The following AP4S1 variants were observed in gnomAD, a reference collection of about 807,000 sequenced individuals.
AP4S1 encodes adaptor related protein complex 4 subunit sigma 1.
A neutral mutation model predicts 19.8 loss-of-function variants in AP4S1; 23 were observed. That is an observed-to-expected ratio of 1.16 (90% CI 0.84 to 1.65). AP4S1 has a LOEUF of 1.65. Ranked by LOEUF, AP4S1 falls within the 40% of genes most tolerant of loss-of-function variation. The pLI is 0.00. For missense variants in AP4S1, 166 were observed against 172.8 expected (o/e 0.96, Z 0.22); for synonymous variants, 46 against 54.1 (o/e 0.85, Z 0.66).
intron 1 of AP4S1, among the ~76,000 whole-genome samples, chr14:31,053,404 A>G (rs1885917762): frequency 1.3e-5 from 2 of 152,064 alleles, no homozygotes; most frequent in South Asian, 4.1e-4. Context: ...GTCCTGGAAT[A>G]TTGCCCAAGC....
chr14:31,075,468 TG>T (rs766440719), intron 4 of AP4S1, among the ~76,000 whole-genome samples: 9 of 152,356 alleles, frequency 5.9e-5, no homozygotes, highest in Middle Eastern at 6.8e-3. Context: ...TTGGCTATTG[TG>T]GACAGTGCTA....
intron 4 of AP4S1, among the ~76,000 whole-genome samples, chr14:31,073,340 A>T (rs1197152979): frequency 7.0e-6 from 1 of 142,438 alleles, no homozygotes; most frequent in Non-Finnish European, 1.6e-5. Flanking sequence ...AATACAAAAA[A>T]TTAGCTGGGC....
intron 4 of AP4S1, among the ~76,000 whole-genome samples, chr14:31,077,739 CT>C (rs71112379): frequency 0.014 from 1,929 of 135,162 alleles, 30 homozygotes; most frequent in East Asian, 0.084. Flanking sequence ...TTTCTTTTTT[CT>C]TTTTTTTTTT....
intron 4 of AP4S1, among the ~76,000 whole-genome samples, chr14:31,079,632 C>A (rs1887534129): frequency 6.6e-6 from 1 of 152,010 alleles, no homozygotes; most frequent in African/African-American, 2.4e-5. Flanking sequence ...CAAGACCAGT[C>A]TGGGCAACAT....
At chr14:31,036,151 A>G (rs1884760961) in intron 1 of AP4S1, among the ~76,000 whole-genome samples, 1 of 151,928 alleles carries the variant, frequency 6.6e-6, no homozygotes, top group Non-Finnish European at 1.5e-5. Context: ...ATAATCTAAT[A>G]TATTGTTGCA....
chr14:31,084,209 C>T (rs753998697), intron 5 of AP4S1, among the ~76,000 whole-genome samples: 15 of 152,314 alleles, frequency 9.8e-5, no homozygotes, highest in South Asian at 2.1e-4. Context: ...ATGGGACAGA[C>T]GTGAGTTAAA....
At chr14:31,087,696 A>G (rs963478211) in intron 5 of AP4S1, among the ~76,000 whole-genome samples, 1 of 152,124 alleles carries the variant, frequency 6.6e-6, no homozygotes, top group Non-Finnish European at 1.5e-5. Context: ...TCTGGAGTAG[A>G]CTGTGGCAAT....
intron 1 of AP4S1, among the ~76,000 whole-genome samples, chr14:31,059,532 A>G (rs190980675): frequency 1.3e-5 from 2 of 152,360 alleles, no homozygotes; most frequent in East Asian, 3.9e-4. Context: ...ATTTCTAACT[A>G]TCATAAAGAT....
chr14:31,060,010 T>A (rs1207613570), intron 1 of AP4S1, among the ~76,000 whole-genome samples: 1 of 143,418 alleles, frequency 7.0e-6, no homozygotes, highest in Admixed American at 7.0e-5. Context: ...TGTATTTATG[T>A]ATATATGTAT....
chr14:31,054,867 C>CAAAAAAAAAAAAAAAAAAAAAAAAAAAAA, intron 1 of AP4S1, among the ~76,000 whole-genome samples: 1 of 46,382 alleles, frequency 2.2e-5, no homozygotes, highest in Non-Finnish European at 3.4e-5. Context: ...GACTCTGTCT[C>CAAAAAAAAAAAAAAAAAAAAAAAAAAAAA]AAAAAAAAAA....
chr14:31,037,234 G>A (rs1884832812), intron 1 of AP4S1, among the ~76,000 whole-genome samples: 1 of 149,986 alleles, frequency 6.7e-6, no homozygotes, highest in African/African-American at 2.5e-5. Flanking sequence ...TCTTCCTCCT[G>A]TTCTTGTTGC....
Position 31,066,367 on chromosome 14 carries a change from T to A in AP4S1, c.138+33T>A, listed in dbSNP as rs760165003. On this transcript the variant is annotated intron_variant, in intron 2 of 5. Coordinates refer to ENST00000542754, the MANE Select transcript of AP4S1 (RefSeq NM_001128126.3). ...TCTGGTTCTCTCTTTTATCTCTGCA[T>A]TCAACTCAGCCTTGGCAGATTTGTT... 2.0e-5 allele frequency: 33 copies of A among 1,613,398 alleles called. No individual in the cohort carries two copies. In the Middle Eastern group the frequency reaches 2.0e-3, roughly 97 times the overall value.
chr14:31,026,099 GC>G, intron 1 of AP4S1: 1 of 1,527,424 alleles, frequency 6.5e-7, no homozygotes. Flanking sequence ...CGGGCGAAAG[GC>G]CCAGGTTCCC....
intron 1 of AP4S1, among the ~76,000 whole-genome samples, chr14:31,050,449 TA>T (rs1242267105): frequency 3.9e-5 from 6 of 152,142 alleles, no homozygotes; most frequent in African/African-American, 9.6e-5. Context: ...ATCTCTGCTT[TA>T]AAAAAAACTA....
intron 1 of AP4S1, chr14:31,026,349 G>A: frequency 1.6e-6 from 1 of 633,624 alleles, no homozygotes. Context: ...GGGAGCTGCC[G>A]GCTGCCGCCA....
At position 31,062,187 on chromosome 14, in the gene AP4S1, C is replaced by T. The variant is rs937677149; in HGVS notation, c.-71-3939C>T. On this transcript the variant is annotated intron_variant, in intron 1 of 5. Coordinates refer to ENST00000542754, the MANE Select transcript of AP4S1 (RefSeq NM_001128126.3). ...AATCTTGGCTCACTGCAAACTCCAC[C>T]TCCCAGGTTCAAGTGATTCTCCTGC... 5.9e-5 allele frequency among the ~76,000 whole-genome samples: 9 copies of T among 152,204 alleles called. No individual in the cohort carries two copies. The South Asian group carries it at 1.7e-3, about 28-fold the overall frequency.
At chr14:31,068,231 C>T (rs1166467550) in intron 2 of AP4S1, among the ~76,000 whole-genome samples, 2 of 152,186 alleles carry the variant, frequency 1.3e-5, no homozygotes, top group East Asian at 3.8e-4. Context: ...CCTAAACTTG[C>T]CAAATCTGTT....
chr14:31,063,735 A>G (rs1031444996), intron 1 of AP4S1, among the ~76,000 whole-genome samples: 2 of 152,332 alleles, frequency 1.3e-5, no homozygotes, highest in South Asian at 2.1e-4. Context: ...AAAAGAGGAC[A>G]TTAGTGGAAG....
chr14:31,082,399 AAAAT>A (rs1206463817), intron 5 of AP4S1, among the ~76,000 whole-genome samples: 2 of 152,246 alleles, frequency 1.3e-5, no homozygotes, highest in African/African-American at 4.8e-5. Flanking sequence ...AAAGCAATTC[AAAAT>A]AAATCTCTTC....
Sources: allele counts gnomAD v4.1 joint callset (sites outside exome capture counted in the v4.1 genomes callset), GRCh38; gene constraint gnomAD v4.1.1; transcripts MANE v1.5; gene names NCBI Gene and HGNC (gene_info 2026-07-23, HGNC 2026-07-21).